CPA6: variants seen among roughly 807,000 people sequenced by gnomAD.
The protein encoded by CPA6 is carboxypeptidase A6, also known as carboxypeptidase B.
CPA6 carries 58 observed loss-of-function variants against 63.3 expected under a neutral mutation model. The observed-to-expected ratio is 0.92, with a 90% CI of 0.74 to 1.14. The LOEUF (loss-of-function observed/expected upper bound fraction) is 1.14. Among genes scored for constraint, CPA6 ranks in the 50% most tolerant of loss-of-function variants. The pLI is 0.00. For missense variants in CPA6, 565 were observed against 526.6 expected (o/e 1.07, Z -0.71); for synonymous variants, 185 against 179.0 (o/e 1.03, Z -0.27).
chr8:67,482,317 G>A (rs1007500580), intron 8 of CPA6, among the ~76,000 whole-genome samples: 2 of 152,158 alleles, frequency 1.3e-5, no homozygotes, highest in African/African-American at 4.8e-5. Flanking sequence ...ACATCCCTGT[G>A]TTTATGAGTA....
chr8:67,561,009 T>A (rs1813197576), intron 2 of CPA6, among the ~76,000 whole-genome samples: 2 of 152,186 alleles, frequency 1.3e-5, no homozygotes, highest in South Asian at 4.1e-4. Context: ...TCTATCTAGT[T>A]AACTACACAA....
intron 1 of CPA6, among the ~76,000 whole-genome samples, chr8:67,675,079 C>G (rs1015217155): frequency 4.6e-5 from 7 of 152,290 alleles, no homozygotes; most frequent in Middle Eastern, 3.4e-3. Flanking sequence ...GTACCATGCT[C>G]ACTACCTGGG....
chr8:67,462,443 C>T (rs1810834782), intron 8 of CPA6, among the ~76,000 whole-genome samples: 1 of 152,168 alleles, frequency 6.6e-6, no homozygotes, highest in African/African-American at 2.4e-5. Flanking sequence ...CTTCTAATCT[C>T]TTGCTATTAT....
chr8:67,548,761 G>A (rs749185723), intron 2 of CPA6, among the ~76,000 whole-genome samples: 7 of 152,170 alleles, frequency 4.6e-5, no homozygotes, highest in Non-Finnish European at 7.3e-5. Context: ...AACAGGGGTG[G>A]TAGGCAATGT....
intron 9 of CPA6, among the ~76,000 whole-genome samples, chr8:67,430,091 A>G (rs1463971038): frequency 6.7e-6 from 1 of 150,218 alleles, no homozygotes; most frequent in Non-Finnish European, 1.5e-5. Flanking sequence ...GTACCTAGGC[A>G]TCAGTTATTG....
Position 67,628,760 on chromosome 8 carries a change from G to A in CPA6, c.117-4509C>T, listed in dbSNP as rs147710961. ...ACATGAAACAGTGTCTAACAGAACCGATTTTACCATAAACTAACTGATAGA... is the reference window on the plus strand; with the variant it reads ...ACATGAAACAGTGTCTAACAGAACCAATTTTACCATAAACTAACTGATAGA... On this transcript the variant is annotated intron_variant, in intron 1 of 10. Coordinates refer to ENST00000297770, the MANE Select transcript of CPA6 (RefSeq NM_020361.5). 1.1e-4 allele frequency among the ~76,000 whole-genome samples: 16 copies of A among 152,316 alleles called. No homozygotes were observed. The East Asian group carries it at 2.1e-3, about 20-fold the overall frequency.
chr8:67,678,728 C>A (rs993219312), intron 1 of CPA6, among the ~76,000 whole-genome samples: 3 of 152,126 alleles, frequency 2.0e-5, no homozygotes, highest in African/African-American at 7.2e-5. Flanking sequence ...TAGAGCTACC[C>A]GATGACTCAG....
intron 8 of CPA6, among the ~76,000 whole-genome samples, chr8:67,469,644 T>C (rs1811010984): frequency 6.6e-6 from 1 of 152,112 alleles, no homozygotes; most frequent in Non-Finnish European, 1.5e-5. Context: ...CCACCCCTCC[T>C]GCTCTTCTCT....
chr8:67,609,696 G>A (rs1338984745), intron 2 of CPA6, among the ~76,000 whole-genome samples: 3 of 152,174 alleles, frequency 2.0e-5, no homozygotes, highest in Non-Finnish European at 4.4e-5. Flanking sequence ...AATTAGATCT[G>A]TGATATGTAG....
chr8:67,596,773 C>T (rs936912933), intron 2 of CPA6, among the ~76,000 whole-genome samples: 1 of 152,182 alleles, frequency 6.6e-6, no homozygotes, highest in African/African-American at 2.4e-5. Flanking sequence ...GTGGACATCT[C>T]TCTTTGGTCT....
rs558189924 is a variant in CPA6, at chr8:67,427,834, C to G, written c.1126+213G>C. On this transcript the variant is annotated intron_variant, in intron 10 of 10. Transcript: ENST00000297770. Reference sequence around the variant, plus strand: ...GTCGTTACTGCACACTTAGCATATTCTCTGCTTTGAATTTATTTAAATGGG... The same window carrying G: ...GTCGTTACTGCACACTTAGCATATTGTCTGCTTTGAATTTATTTAAATGGG... Among the ~76,000 whole-genome samples the G allele has an allele frequency of 2.0e-5, 3 of 152,296 alleles. No homozygotes were observed. The South Asian group carries it at 6.2e-4, about 32-fold the overall frequency.
At chr8:67,485,756 A>G (rs980407879) in intron 6 of CPA6, among the ~76,000 whole-genome samples, 3 of 152,302 alleles carry the variant, frequency 2.0e-5, no homozygotes, top group Non-Finnish European at 4.4e-5. Flanking sequence ...CATGTTTTTA[A>G]TTATGCTAAA....
At chr8:67,743,310 T>C (rs1434031802) in intron 1 of CPA6, among the ~76,000 whole-genome samples, 1 of 152,148 alleles carries the variant, frequency 6.6e-6, no homozygotes, top group Non-Finnish European at 1.5e-5. Flanking sequence ...TTTTTTTAAG[T>C]TTTTAATTTT....
intron 6 of CPA6, among the ~76,000 whole-genome samples, chr8:67,504,041 A>T (rs1811881911): frequency 6.6e-6 from 1 of 152,164 alleles, no homozygotes; most frequent in African/African-American, 2.4e-5. Context: ...TGTGTTACAT[A>T]CTATCATTAT....
chr8:67,662,572 C>A (rs1219070453), intron 1 of CPA6, among the ~76,000 whole-genome samples: 1 of 127,526 alleles, frequency 7.8e-6, no homozygotes, highest in Non-Finnish European at 1.6e-5. Flanking sequence ...ATATAGAATA[C>A]ATACACATGT....
At chr8:67,631,003 C>T (rs900497932) in intron 1 of CPA6, among the ~76,000 whole-genome samples, 4 of 152,216 alleles carry the variant, frequency 2.6e-5, no homozygotes, top group South Asian at 2.1e-4. Flanking sequence ...GACTGAGCCC[C>T]GCTCCCCTAC....
chr8:67,438,757 A>C (rs1484303605), intron 8 of CPA6, among the ~76,000 whole-genome samples: 1 of 91,878 alleles, frequency 1.1e-5, no homozygotes, highest in Non-Finnish European at 1.9e-5. Context: ...AGGAGACAAC[A>C]AATTGATGGA....
chr8:67,493,033 C>A (rs1189622874), intron 6 of CPA6, among the ~76,000 whole-genome samples: 1 of 152,054 alleles, frequency 6.6e-6, no homozygotes, highest in East Asian at 1.9e-4. Flanking sequence ...GAACCAAAGT[C>A]AGACAATTTA....
At chr8:67,607,250 T>TTCC (rs1814688655) in intron 2 of CPA6, among the ~76,000 whole-genome samples, 2 of 131,824 alleles carry the variant, frequency 1.5e-5, no homozygotes, top group Non-Finnish European at 3.2e-5. Context: ...CTTCTTCTTC[T>TTCC]TCTCCTCCTC....
Sources: allele counts gnomAD v4.1 joint callset (sites outside exome capture counted in the v4.1 genomes callset), GRCh38; gene constraint gnomAD v4.1.1; transcripts MANE v1.5; gene names NCBI Gene and HGNC (gene_info 2026-07-23, HGNC 2026-07-21).